DLC1: variants seen among roughly 807,000 people sequenced by gnomAD.
DLC1 encodes DLC1 Rho GTPase activating protein, also known as rho GTPase-activating protein 7.
DLC1 carries 54 observed loss-of-function variants against 140.3 expected under a neutral mutation model. The ratio of observed to expected loss-of-function variants is 0.38; its 90% CI spans 0.31 to 0.48. DLC1 has a LOEUF of 0.48. Ranked by LOEUF, DLC1 falls within the 20% of genes least tolerant of loss-of-function variation. The pLI is 0.96. For missense variants in DLC1, 2,536 were observed against 1,907.0 expected, an observed-to-expected ratio of 1.33 and a Z score of -6.14; for synonymous variants, 986 against 728.1, an observed-to-expected ratio of 1.35 and a Z score of -5.70.
At chr8:13,503,088 T>G (rs1165598825) in intron 1 of DLC1, among the ~76,000 whole-genome samples, 1 of 152,236 alleles carries the variant, frequency 6.6e-6, no homozygotes, top group Non-Finnish European at 1.5e-5. Flanking sequence ...AAGAGTTTTA[T>G]AGCATACAAT....
chr8:13,533,653 T>G (rs1788475206), intron 1 of DLC1, among the ~76,000 whole-genome samples: 1 of 152,178 alleles, frequency 6.6e-6, no homozygotes, highest in Admixed American at 6.5e-5. Context: ...CCAAACAAGA[T>G]GCTTAAAACC....
intron 4 of DLC1, among the ~76,000 whole-genome samples, chr8:13,389,586 C>T (rs1462794240): frequency 6.6e-6 from 1 of 151,686 alleles, no homozygotes; most frequent in African/African-American, 2.4e-5. Flanking sequence ...TGAAATATAC[C>T]TCAGAAATCT....
chr8:13,540,991 T>C (rs139461305), intron 1 of DLC1, among the ~76,000 whole-genome samples: 1 of 152,360 alleles, frequency 6.6e-6, no homozygotes, highest in East Asian at 1.9e-4. Context: ...TACACTACTT[T>C]GCTATCATAG....
At chr8:13,132,164 G>T (rs1013796774) in intron 5 of DLC1, among the ~76,000 whole-genome samples, 1 of 151,704 alleles carries the variant, frequency 6.6e-6, no homozygotes, top group Admixed American at 6.6e-5. Context: ...GGCATTTCAG[G>T]GACACGATTC....
intron 4 of DLC1, among the ~76,000 whole-genome samples, chr8:13,381,916 T>C (rs1390745760): frequency 6.6e-6 from 1 of 152,058 alleles, no homozygotes; most frequent in African/African-American, 2.4e-5. Flanking sequence ...ACTTTGAGAT[T>C]GGGAGGCAGG....
intron 5 of DLC1, among the ~76,000 whole-genome samples, chr8:13,173,004 C>T (rs1393981666): frequency 1.3e-5 from 2 of 152,102 alleles, no homozygotes; most frequent in East Asian, 1.9e-4. Flanking sequence ...CTATGTGTAA[C>T]GATTATTGAT....
chr8:13,090,410 T>A lies in DLC1; in HGVS notation c.3916A>T (p.Thr1306Ser). The stretch of plus-strand genomic sequence containing the variant: ...CCCAGGTGCCCGAGTGCTTCCAGAG[T>A]GAGGGGCTTCAGCTCTTGTTCGGTA... ...SYTEQELKPL[T>S]LEALGHLGND... Residue 1306 changes from threonine to serine, a missense_variant, in exon 15 of 18, where the codon ACT becomes TCT. Coordinates refer to ENST00000276297, the MANE Select transcript of DLC1 (RefSeq NM_182643.3). The A allele has an allele frequency of 6.2e-7, 1 of 1,614,062 alleles. No homozygotes were observed. The highest frequency in any genetic ancestry group is 8.5e-7 in the Non-Finnish European group (1 of 1,180,012).
chr8:13,237,339 T>C (rs1033456860), intron 5 of DLC1, among the ~76,000 whole-genome samples: 1 of 150,032 alleles, frequency 6.7e-6, no homozygotes, highest in Non-Finnish European at 1.5e-5. Context: ...TATATATATA[T>C]ATACACACAC....
chr8:13,086,245 C>T, intron 17 of DLC1, 45 bp downstream of exon 17: 3 of 1,573,276 alleles, frequency 1.9e-6, no homozygotes, highest in Non-Finnish European at 1.7e-6. Flanking sequence ...GTCAGAATTT[C>T]CTTCATGACC....
intron 2 of DLC1, among the ~76,000 whole-genome samples, chr8:13,412,577 G>A (rs546723222): frequency 1.3e-5 from 2 of 152,078 alleles, no homozygotes; most frequent in African/African-American, 2.4e-5. Flanking sequence ...AGTTGCATAC[G>A]ATGACGCAGA....
intron 2 of DLC1, among the ~76,000 whole-genome samples, chr8:13,449,651 C>A (rs1312028998): frequency 6.7e-6 from 1 of 148,776 alleles, no homozygotes; most frequent in African/African-American, 2.5e-5. Context: ...AGGGGAATAT[C>A]ACACACTGGG....
chr8:13,319,641 G>C (rs538365308), intron 4 of DLC1, among the ~76,000 whole-genome samples: 1 of 152,200 alleles, frequency 6.6e-6, no homozygotes, highest in African/African-American at 2.4e-5. Context: ...ATGATTGTCA[G>C]TTTCTTGAGA....
chr8:13,521,837 A>G (rs949703836), intron 1 of DLC1, among the ~76,000 whole-genome samples: 1 of 152,212 alleles, frequency 6.6e-6, no homozygotes, highest in Non-Finnish European at 1.5e-5. Flanking sequence ...TACACATACC[A>G]AGTGAAAATG....
At chr8:13,565,247 G>T (rs6984011) in intron 1 of DLC1, among the ~76,000 whole-genome samples, 122,856 of 152,134 alleles carry the variant, frequency 0.81, 49,956 homozygotes, top group East Asian at 0.96. Flanking sequence ...TTTAAGACAC[G>T]ATTATAAAAA....
chr8:13,422,371 A>AT (rs1459922652), intron 2 of DLC1, among the ~76,000 whole-genome samples: 1 of 151,850 alleles, frequency 6.6e-6, no homozygotes, highest in Non-Finnish European at 1.5e-5. Context: ...TAAAAGTAGT[A>AT]TTTCAACACT....
Position 13,113,872 on chromosome 8 carries a change from C to T in DLC1, c.1420+1714G>A, listed in dbSNP as rs146978036. Among the ~76,000 whole-genome samples the T allele has an allele frequency of 6.1e-3, 936 of 152,318 alleles. 4 individuals are homozygous for T. The highest frequency in any genetic ancestry group is 0.01 in the Middle Eastern group (3 of 294). ...TACACGGTCTAACAATAAAACAATT[C>T]AGAATCCATCTTCTTGGAAAAAATA... On this transcript the variant is annotated intron_variant, in intron 6 of 17. Transcript: ENST00000276297.
intron 5 of DLC1, among the ~76,000 whole-genome samples, chr8:13,124,966 T>C (rs936558717): frequency 2.0e-5 from 3 of 152,016 alleles, no homozygotes; most frequent in Non-Finnish European, 4.4e-5. Flanking sequence ...ACATTTCCAA[T>C]TTGCCTTTCT....
At chr8:13,548,876 A>G (rs73210096) in intron 1 of DLC1, among the ~76,000 whole-genome samples, 22,487 of 152,070 alleles carry the variant, frequency 0.15, 1,985 homozygotes, top group Middle Eastern at 0.25. Context: ...TTTTTAGAAA[A>G]TACTGCTCTG....
chr8:13,322,160 G>C (rs1310017348), intron 4 of DLC1, among the ~76,000 whole-genome samples: 1 of 151,856 alleles, frequency 6.6e-6, no homozygotes, highest in Non-Finnish European at 1.5e-5. Context: ...CTTCAAAATT[G>C]CTTTTATTAA....
Sources: gnomAD v4.1 joint callset for allele counts (sites outside exome capture counted in the v4.1 genomes callset) on GRCh38, gnomAD v4.1.1 for gene constraint, MANE v1.5 for transcripts, NCBI Gene and HGNC (gene_info 2026-07-23, HGNC 2026-07-21) for gene names.